IRS2: variants seen among roughly 807,000 people sequenced by gnomAD.
IRS2 encodes the protein insulin receptor substrate 2.
A neutral mutation model predicts 70.9 loss-of-function variants in IRS2; 28 were observed. That is an observed-to-expected ratio of 0.39 (90% CI 0.29 to 0.54). The LOEUF (loss-of-function observed/expected upper bound fraction) is 0.54, where lower values mean the gene tolerates loss of function less well. IRS2 is among the 20% of genes least tolerant of loss of function. IRS2 has a pLI of 0.59. For missense variants in IRS2, 2,081 were observed against 2,024.1 expected, an observed-to-expected ratio of 1.03 and a Z score of -0.54; for synonymous variants, 1,217 against 981.9, an observed-to-expected ratio of 1.24 and a Z score of -4.48.
At position 109,782,141 on chromosome 13, in the gene IRS2, C is replaced by G. The variant is rs1378755222; in HGVS notation, c.3913G>C (p.Gly1305Arg). 1 of 1,607,194 alleles carries G rather than the reference C, an allele frequency of 6.2e-7. No homozygotes were observed. Among genetic ancestry groups the G allele is most frequent in the Admixed American group, 1.7e-5 (1 of 59,338 alleles). The change falls in exon 1 of 2, where the codon GGG becomes CGG. Residue 1305 changes from glycine (G) to arginine (R), a missense_variant. By Grantham distance (125) the Gly-to-Arg change is moderately radical. This residue lies in a region of IRS2 where 1,615 missense variants were observed against 1,459.5 expected (regional missense o/e 1.11). Coordinates refer to ENST00000375856, the MANE Select transcript of IRS2 (RefSeq NM_003749.3). ...GCACCGGGACCCGGCCCCCCGCACCCGCCGCCGGTGCTGCCGACGCCCACA... is the reference window on the plus strand; with the variant it reads ...GCACCGGGACCCGGCCCCCCGCACCGGCCGCCGGTGCTGCCGACGCCCACA... ...SAVGVGSTGG[G>R]CGGPGPGALP...
At position 109,783,166 on chromosome 13, in the gene IRS2, G is replaced by A. The variant is rs777793064; in HGVS notation, c.2888C>T (p.Pro963Leu). 7.2e-7 allele frequency: 1 copy of A among 1,380,508 alleles called. No homozygotes were observed. The highest frequency in any genetic ancestry group is 9.3e-7 in the Non-Finnish European group (1 of 1,073,152). The allele number at this position is 1,380,508 out of a possible 1,614,324, so 85.5% of individuals were successfully genotyped here. ...CTGCCGGCTGTCGCTGCTGGTGCCC[G>A]GGGTGCCTGAGCCCAGCGACGAGGC... is the stretch of plus-strand genomic sequence containing the variant. ...SPASSLGSGT[P>L]GTSSDSRQRS... The change falls in exon 1 of 2, where the codon CCG (proline) becomes CTG (leucine). Residue 963 changes from proline (P) to leucine (L), a missense_variant. Coordinates refer to ENST00000375856, the MANE Select transcript of IRS2 (RefSeq NM_003749.3).
chr13:109,760,290 G>A (rs770700921), intron 1 of IRS2, among the ~76,000 whole-genome samples: 2 of 152,196 alleles, frequency 1.3e-5, no homozygotes, highest in Non-Finnish European at 2.9e-5. Context: ...TAAGACTCAC[G>A]TGTTGCTCAT....
chr13:109,770,292 G>T (rs369096456), intron 1 of IRS2, among the ~76,000 whole-genome samples: 1 of 152,208 alleles, frequency 6.6e-6, no homozygotes, highest in African/African-American at 2.4e-5. Context: ...AAGGAGCCAA[G>T]AAACCTGACA....
chr13:109,769,945 C>G (rs1877415801), intron 1 of IRS2, among the ~76,000 whole-genome samples: 1 of 152,240 alleles, frequency 6.6e-6, no homozygotes, highest in South Asian at 2.1e-4. Flanking sequence ...CTACCTTTCT[C>G]AAGCAACCCA....
Position 109,785,640 on chromosome 13 carries a change from C to T in IRS2, c.414G>A (p.Ala138=), listed in dbSNP as rs748786376. 6 of 1,549,522 alleles carry T rather than the reference C, an allele frequency of 3.9e-6. No individual in the cohort carries two copies. Among genetic ancestry groups the T allele is most frequent in the Non-Finnish European group, 4.3e-6 (5 of 1,152,926 alleles). The change falls in exon 1 of 2, where the codon GCG becomes GCA. Residue 138 remains alanine, a synonymous_variant. Transcript: ENST00000375856. This position sits in a 1 kb window ranked among gnomAD's most constrained non-coding sequence, Gnocchi z 9.3. ...NEQEQEGWYR[A]LTDLVSEGRA... ...GGCCCTCGCTGACCAGGTCGGTGAGCGCGCGGTACCAGCCCTCCTGCTCCT... is the reference window on the plus strand; with the variant it reads ...GGCCCTCGCTGACCAGGTCGGTGAGTGCGCGGTACCAGCCCTCCTGCTCCT...
In IRS2 at chr13:109,753,786, T is replaced by TG. The variant is rs1305362683; in HGVS notation, c.*2517dup. 2 of 202,718 alleles carry TG rather than the reference T, an allele frequency of 9.9e-6. No homozygotes were observed. Among genetic ancestry groups the TG allele is most frequent in the Non-Finnish European group, 2.0e-5 (2 of 98,624 alleles). 12.6% of individuals were successfully genotyped at this position (202,718 alleles called of 1,614,324 possible). ...TTACTCCCAAACTCTAAAAGTAGAT[T>TG]GGCTTTATGTTAAACAGAGAATTCG... On this transcript the variant is annotated 3_prime_UTR_variant, in exon 2 of 2. Coordinates refer to ENST00000375856, the MANE Select transcript of IRS2 (RefSeq NM_003749.3).
intron 1 of IRS2, among the ~76,000 whole-genome samples, chr13:109,760,671 C>T (rs1311617776): frequency 1.3e-5 from 2 of 152,178 alleles, no homozygotes; most frequent in African/African-American, 2.4e-5. Flanking sequence ...AATTCCTCCC[C>T]TTTTCTCCTC....
At position 109,783,328 on chromosome 13, in the gene IRS2, A is replaced by C; in HGVS notation, c.2726T>G (p.Leu909Arg). The C allele has an allele frequency of 6.4e-7, 1 of 1,558,432 alleles. No homozygotes were observed. The highest frequency in any genetic ancestry group is 8.6e-7 in the Non-Finnish European group (1 of 1,161,452). Residue 909 changes from leucine (L) to arginine (R), a missense_variant, in exon 1 of 2, where the codon CTG (leucine) becomes CGG (arginine). Physicochemically the swap from Leu to Arg is moderately radical, Grantham distance 102 (BLOSUM62 -2). Around this residue, in one of 4 missense-constraint regions of IRS2, gnomAD observed 1,615 missense variants for 1,459.5 expected, o/e 1.11. Transcript: ENST00000375856. ...GCCGGGGCTCTTGGGCTCCGGTGGC[A>C]GTGGGTACTCGTGCATGCTGGGCAG... is the stretch of plus-strand genomic sequence containing the variant. ...PSLPSMHEYP[L>R]PPEPKSPGEY...
Position 109,783,358 on chromosome 13 carries a change from G to A in IRS2, c.2696C>T (p.Pro899Leu), listed in dbSNP as rs2138932371. 6.5e-7 allele frequency: 1 copy of A among 1,548,440 alleles called. No homozygotes were observed. The highest frequency in any genetic ancestry group is 8.6e-7 in the Non-Finnish European group (1 of 1,156,842). ...GTACTCGTGCATGCTGGGCAGGCTG[G>A]GCAGCCCCTCCAGGGACAGGCGCGT... ...RPTRLSLEGLPSLPSMHEYPL... is the reference protein window; with the variant it reads ...RPTRLSLEGLLSLPSMHEYPL... Residue 899 changes from proline (P) to leucine (L), a missense_variant, in exon 1 of 2, where the codon CCC becomes CTC. By Grantham distance (98) the Pro-to-Leu change is moderately conservative. Transcript: ENST00000375856.
chr13:109,765,954 T>C lies in IRS2; in HGVS notation c.4013-9646A>G, dbSNP rs575156110. ...TGGCTCCTCCTCCCCACCAAGCATG[T>C]AGATATCCCAGCCTCATCCACCCTG... On this transcript the variant is annotated intron_variant, in intron 1 of 1. Coordinates refer to ENST00000375856, the MANE Select transcript of IRS2 (RefSeq NM_003749.3). Among the ~76,000 whole-genome samples the C allele has an allele frequency of 3.4e-4, 18 of 53,218 alleles. 1 individual carries two copies. Among genetic ancestry groups the C allele is most frequent in the African/African-American group, 6.4e-4 (17 of 26,686 alleles). 34.9% of individuals were successfully genotyped at this position (53,218 alleles called of 152,430 possible).
At chr13:109,763,503 T>A (rs574446432) in intron 1 of IRS2, among the ~76,000 whole-genome samples, 1 of 152,370 alleles carries the variant, frequency 6.6e-6, no homozygotes, top group Non-Finnish European at 1.5e-5. Flanking sequence ...TACACTAGCA[T>A]TCTTCCTTTA....
chr13:109,775,114 C>CTTTT (rs34415737), intron 1 of IRS2, among the ~76,000 whole-genome samples: 8 of 115,812 alleles, frequency 6.9e-5, no homozygotes, highest in South Asian at 2.8e-4. Flanking sequence ...CAAAATCTTT[C>CTTTT]TTTTTTTTTT....
intron 1 of IRS2, among the ~76,000 whole-genome samples, chr13:109,758,286 A>G (rs372182967): frequency 1.6e-4 from 24 of 151,532 alleles, no homozygotes; most frequent in Admixed American, 1.6e-3. Context: ...CACCACAAGC[A>G]GGTAACTGAG....
Position 109,783,547 on chromosome 13 carries a change from T to C in IRS2, c.2507A>G (p.Glu836Gly), listed in dbSNP as rs746616982. ...CGTGGCCTGAGGCTCCAGACGCTCC[T>C]CCTCCAGGATGCGCCCCACGGGGGA... ...MSSPVGRILE[E>G]ERLEPQATPG... Residue 836 changes from glutamate (E) to glycine (G), a missense_variant, in exon 1 of 2, where the codon GAG (glutamate) becomes GGG (glycine). Glu to Gly is a moderately conservative substitution (Grantham distance 98). Around this residue, in one of 4 missense-constraint regions of IRS2, gnomAD observed 1,615 missense variants for 1,459.5 expected, o/e 1.11. Coordinates refer to ENST00000375856, the MANE Select transcript of IRS2 (RefSeq NM_003749.3). 2 of 1,549,712 alleles carry C rather than the reference T, an allele frequency of 1.3e-6. No individual in the cohort carries two copies. Among genetic ancestry groups the C allele is most frequent in the Non-Finnish European group, 1.7e-6 (2 of 1,146,876 alleles).
rs979278085 is a variant in IRS2 at position 109,754,943 on chromosome 13, C to T, written c.*1361G>A. On this transcript the variant is annotated 3_prime_UTR_variant, in exon 2 of 2. Transcript: ENST00000375856. ...AAGATAGGCACTGGGGAAGCCCCCA[C>T]GGGAGGAGAGGTCGACAGCCCTCCA... The T allele has an allele frequency of 1.8e-5, 4 of 222,218 alleles. No homozygotes were observed. Among genetic ancestry groups the T allele is most frequent in the East Asian group, 6.6e-5 (1 of 15,190 alleles). The allele number at this position is 222,218 out of a possible 1,614,324, so 13.8% of individuals were successfully genotyped here. A position where few individuals can be genotyped will look rare whatever the true frequency, so the allele number is the denominator to read the frequency against.
Position 109,782,848 on chromosome 13 carries a change from T to C in IRS2, c.3206A>G (p.Asn1069Ser). 2.5e-6 allele frequency: 4 copies of C among 1,583,198 alleles called. No individual in the cohort carries two copies. The highest frequency in any genetic ancestry group is 2.3e-5 in the East Asian group (1 of 43,622). The stretch of plus-strand genomic sequence containing the variant: ...AAAAGCCATCTCGGTGTAGTCACCA[T>C]TGTCCCCGGTGTCCGAGGACAACGA... ...ASSLSSDTGDNGDYTEMAFGV... is the reference protein window; with the variant it reads ...ASSLSSDTGDSGDYTEMAFGV... The change falls in exon 1 of 2, where the codon AAT (asparagine) becomes AGT (serine). Residue 1069 changes from asparagine to serine, a missense_variant. Physicochemically the swap from Asn to Ser is conservative, Grantham distance 46 (BLOSUM62 1). Coordinates refer to ENST00000375856, the MANE Select transcript of IRS2 (RefSeq NM_003749.3).
At position 109,785,895 on chromosome 13, in the gene IRS2, G is replaced by A. The variant is rs779734265; in HGVS notation, c.159C>T (p.Pro53=). ...CCGTCGCCTCGTCGCCGCCCGCGCC[G>A]GGTCCGCGCAGCACGAAGAAGCGCT... ...GHKRFFVLRG[P]GAGGDEATAG... The change falls in exon 1 of 2, where the codon CCC becomes CCT. Residue 53 remains proline (P), a synonymous_variant. Transcript: ENST00000375856. This position sits in a 1 kb window ranked among gnomAD's most constrained non-coding sequence, Gnocchi z 9.3. 9.0e-5 allele frequency: 134 copies of A among 1,488,070 alleles called. 1 individual carries two copies. The highest frequency in any genetic ancestry group is 6.9e-4 in the South Asian group (53 of 77,280). The allele number at this position is 1,488,070 out of a possible 1,614,324, so 92.2% of individuals were successfully genotyped here. A position where few individuals can be genotyped will look rare whatever the true frequency, so the allele number is the denominator to read the frequency against.
chr13:109,764,087 G>A (rs1357828402), intron 1 of IRS2, among the ~76,000 whole-genome samples: 1 of 152,194 alleles, frequency 6.6e-6, no homozygotes, highest in African/African-American at 2.4e-5. Context: ...AAGGTTGAAG[G>A]GTCAAATCCT....
chr13:109,783,915 G>A lies in IRS2; in HGVS notation c.2139C>T (p.Thr713=), dbSNP rs1212848488. 1 of 1,544,110 alleles carries A rather than the reference G, an allele frequency of 6.5e-7. No homozygotes were observed. Reference sequence around the variant, plus strand: ...CCGGGAATGTCCTGCCCGCCGCAGAGGTGGGTGCTGGCCCCGCAGGCCCCG... The same window carrying A: ...CCGGGAATGTCCTGCCCGCCGCAGAAGTGGGTGCTGGCCCCGCAGGCCCCG... ...PSAGPAGPAP[T]SAAGRTFPAS... The change falls in exon 1 of 2, where the codon ACC becomes ACT. Residue 713 remains threonine, a synonymous_variant. Coordinates refer to ENST00000375856, the MANE Select transcript of IRS2 (RefSeq NM_003749.3).
Sources: gnomAD v4.1 joint callset for allele counts (sites outside exome capture counted in the v4.1 genomes callset) on GRCh38, gnomAD v4.1.1 for gene constraint, gnomAD v4.1.1 regional missense constraint, Gnocchi (gnomAD v3.1) non-coding constraint, MANE v1.5 for transcripts, NCBI Gene and HGNC (gene_info 2026-07-23, HGNC 2026-07-21) for gene names.